Variants in CNTNAP5 observed in about 807,000 individuals in gnomAD.
CNTNAP5 encodes contactin-associated protein-like 5.
In CNTNAP5, 72 loss-of-function variants were observed where a neutral mutation model predicts 150.2. That is an observed-to-expected ratio of 0.48 (90% CI 0.40 to 0.58). The LOEUF (loss-of-function observed/expected upper bound fraction) is 0.58, where lower values mean the gene tolerates loss of function less well. Among genes scored for constraint, CNTNAP5 ranks in the 20% least tolerant of loss-of-function variants. The pLI, the probability that CNTNAP5 is intolerant of heterozygous loss-of-function variation, is 0.00. For missense variants in CNTNAP5, 1,636 were observed against 1,626.2 expected, an observed-to-expected ratio of 1.01 and a Z score of -0.10; for synonymous variants, 672 against 619.8, an observed-to-expected ratio of 1.08 and a Z score of -1.25.
intron 3 of CNTNAP5, among the ~76,000 whole-genome samples, chr2:124,368,067 G>A (rs1468260414): frequency 6.6e-6 from 1 of 152,146 alleles, no homozygotes; most frequent in African/African-American, 2.4e-5. Context: ...ATATAAGTAA[G>A]GTTGCAAATG....
chr2:124,295,043 T>A (rs1573897276), intron 3 of CNTNAP5, among the ~76,000 whole-genome samples: 1 of 151,562 alleles, frequency 6.6e-6, no homozygotes, highest in East Asian at 2.0e-4. Flanking sequence ...GAGGCGGAGG[T>A]TGTAGTGAGC....
chr2:124,441,269 G>A (rs1692666106), intron 5 of CNTNAP5, among the ~76,000 whole-genome samples: 1 of 152,016 alleles, frequency 6.6e-6, no homozygotes, highest in Admixed American at 6.6e-5. Flanking sequence ...TTACACGTCA[G>A]TGATATATAG....
At chr2:124,306,719 CTTTTTTTTTTTTT>C (rs762901729) in intron 3 of CNTNAP5, among the ~76,000 whole-genome samples, 5 of 64,336 alleles carry the variant, frequency 7.8e-5, no homozygotes, top group African/African-American at 1.2e-4. Context: ...CTCTCTCTTT[CTTTTTTTTTTTTT>C]TTTTTTTTTT....
intron 3 of CNTNAP5, among the ~76,000 whole-genome samples, chr2:124,412,423 G>A (rs1238126877): frequency 2.0e-5 from 3 of 147,318 alleles, no homozygotes; most frequent in African/African-American, 7.3e-5. Flanking sequence ...CATTGCCAAG[G>A]CAATCCTAAG....
At chr2:124,731,300 A>G (rs1242469646) in intron 13 of CNTNAP5, among the ~76,000 whole-genome samples, 1 of 152,050 alleles carries the variant, frequency 6.6e-6, no homozygotes, top group African/African-American at 2.4e-5. Context: ...TGATGCATGT[A>G]GGTATTTATT....
intron 1 of CNTNAP5, among the ~76,000 whole-genome samples, chr2:124,105,864 T>C (rs1400490048): frequency 3.3e-5 from 5 of 152,188 alleles, no homozygotes; most frequent in Non-Finnish European, 5.9e-5. Flanking sequence ...TTCCTAGTGA[T>C]TATTTTTTTG....
intron 13 of CNTNAP5, among the ~76,000 whole-genome samples, chr2:124,696,741 T>A (rs1163701345): frequency 2.0e-5 from 3 of 152,156 alleles, no homozygotes; most frequent in African/African-American, 7.2e-5. Context: ...CATGACGATC[T>A]TCAATTCTCA....
chr2:124,411,145 T>A (rs570752685), intron 3 of CNTNAP5, among the ~76,000 whole-genome samples: 1 of 152,152 alleles, frequency 6.6e-6, no homozygotes, highest in Non-Finnish European at 1.5e-5. Flanking sequence ...ATGGATAAAT[T>A]CCTGGACACA....
At chr2:124,890,714 C>T (rs1019106864) in intron 21 of CNTNAP5, among the ~76,000 whole-genome samples, 14 of 152,156 alleles carry the variant, frequency 9.2e-5, no homozygotes, top group South Asian at 6.2e-4. Flanking sequence ...AACCCCATTT[C>T]GTAGAGCTTC....
At chr2:124,288,993 A>G (rs1441370149) in intron 3 of CNTNAP5, among the ~76,000 whole-genome samples, 2 of 152,240 alleles carry the variant, frequency 1.3e-5, no homozygotes, top group Non-Finnish European at 2.9e-5. Flanking sequence ...CTGTCAAACC[A>G]TAAGACTTTA....
At chr2:124,694,115 C>G (rs1222055783) in intron 13 of CNTNAP5, among the ~76,000 whole-genome samples, 2 of 152,182 alleles carry the variant, frequency 1.3e-5, no homozygotes, top group Non-Finnish European at 2.9e-5. Context: ...CCACTTCTAA[C>G]TTTAAAACTC....
intron 11 of CNTNAP5, among the ~76,000 whole-genome samples, chr2:124,591,819 A>T (rs186345664): frequency 6.6e-6 from 1 of 152,256 alleles, no homozygotes; most frequent in Non-Finnish European, 1.5e-5. Context: ...CCAACAAAAT[A>T]AGTCTTCATC....
At chr2:124,326,020 A>G (rs761196734) in intron 3 of CNTNAP5, among the ~76,000 whole-genome samples, 1 of 152,196 alleles carries the variant, frequency 6.6e-6, no homozygotes, top group African/African-American at 2.4e-5. Flanking sequence ...GAAGACATGA[A>G]ATGAGTATAA....
At chr2:124,042,810 C>A (rs1003196197) in intron 1 of CNTNAP5, among the ~76,000 whole-genome samples, 2 of 151,860 alleles carry the variant, frequency 1.3e-5, no homozygotes, top group African/African-American at 4.8e-5. Context: ...ATCTATCTAT[C>A]TATCTATCTA....
chr2:124,372,725 T>A (rs1690558584), intron 3 of CNTNAP5, among the ~76,000 whole-genome samples: 2 of 152,090 alleles, frequency 1.3e-5, no homozygotes, highest in African/African-American at 4.8e-5. Flanking sequence ...TGTGGAGTAT[T>A]TAATTCCTTT....
chr2:124,668,018 C>T (rs1386096801), intron 13 of CNTNAP5, among the ~76,000 whole-genome samples: 2 of 152,104 alleles, frequency 1.3e-5, no homozygotes, highest in Admixed American at 6.5e-5. Flanking sequence ...TGTGAACTTT[C>T]CTTTCATCCT....
chr2:124,557,188 G>C (rs1321879809), intron 10 of CNTNAP5, among the ~76,000 whole-genome samples: 4 of 151,998 alleles, frequency 2.6e-5, no homozygotes, highest in Non-Finnish European at 5.9e-5. Flanking sequence ...ATCCCTAAGT[G>C]GCCACTAAAG....
chr2:124,262,665 A>C (rs1202251302), intron 3 of CNTNAP5, among the ~76,000 whole-genome samples: 1 of 149,860 alleles, frequency 6.7e-6, no homozygotes, highest in Non-Finnish European at 1.5e-5. Flanking sequence ...TTTTTTTTTT[A>C]ATACTTTAAG....
intron 19 of CNTNAP5, among the ~76,000 whole-genome samples, chr2:124,840,212 T>C (rs1682917851): frequency 6.6e-6 from 1 of 152,062 alleles, no homozygotes; most frequent in South Asian, 2.1e-4. Flanking sequence ...TTTACTGTGT[T>C]GATAGCTAAG....
Sources: allele counts gnomAD v4.1 joint callset (sites outside exome capture counted in the v4.1 genomes callset), GRCh38; gene constraint gnomAD v4.1.1; transcripts MANE v1.5; gene names NCBI Gene and HGNC (gene_info 2026-07-23, HGNC 2026-07-21).